HPSE2: variants seen among roughly 807,000 people sequenced by gnomAD.
HPSE2 encodes the protein heparanase 2 (inactive), also known as inactive heparanase-2.
Under a neutral mutation model 60.5 loss-of-function variants are expected in HPSE2, and 38 were observed. The observed-to-expected ratio is 0.63, with a 90% CI of 0.48 to 0.82. The LOEUF (loss-of-function observed/expected upper bound fraction) is 0.82, where lower values mean the gene tolerates loss of function less well. Among genes scored for constraint, HPSE2 ranks in the 40% least tolerant of loss-of-function variants. HPSE2 has a pLI of 0.00. For missense variants in HPSE2, 713 were observed against 740.4 expected (o/e 0.96, Z 0.43); for synonymous variants, 295 against 293.2 (o/e 1.01, Z -0.06).
At chr10:98,521,683 A>G (rs911513232) in intron 9 of HPSE2, among the ~76,000 whole-genome samples, 9 of 152,240 alleles carry the variant, frequency 5.9e-5, no homozygotes, top group Admixed American at 5.9e-4. Flanking sequence ...ACACATGCAC[A>G]CATACGATTA....
At chr10:99,268,299 A>G in the HPSE2 span, among the ~76,000 whole-genome samples, 1 of 152,306 alleles carries the variant, frequency 6.6e-6, no homozygotes, top group East Asian at 1.9e-4. Flanking sequence ...CAAAAGGAGC[A>G]CTAAATCTTG....
chr10:99,234,587 G>A (rs906472596), intron 1 of HPSE2, among the ~76,000 whole-genome samples: 4 of 152,200 alleles, frequency 2.6e-5, no homozygotes, highest in Admixed American at 2.6e-4. Flanking sequence ...CTGATGGGAA[G>A]GGATCGCAGT....
chr10:98,641,508 A>C (rs1287404870), intron 7 of HPSE2, among the ~76,000 whole-genome samples: 1 of 151,858 alleles, frequency 6.6e-6, no homozygotes, highest in Non-Finnish European at 1.5e-5. Flanking sequence ...AATCGCTTGA[A>C]CCCAGGAGGC....
intron 3 of HPSE2, chr10:99,047,536 C>G (rs1045350350): frequency 2.0e-6 from 1 of 492,576 alleles, no homozygotes; most frequent in Non-Finnish European, 3.6e-6. Flanking sequence ...AGACAACCTA[C>G]ACGATAGGAG....
At chr10:99,065,935 G>A (rs1842599936) in intron 3 of HPSE2, among the ~76,000 whole-genome samples, 1 of 151,382 alleles carries the variant, frequency 6.6e-6, no homozygotes, top group Non-Finnish European at 1.5e-5. Context: ...TCAGCTTTAA[G>A]GGATCATGGA....
At chr10:99,148,578 G>A (rs1439581537) in intron 2 of HPSE2, among the ~76,000 whole-genome samples, 2 of 152,060 alleles carry the variant, frequency 1.3e-5, no homozygotes, top group Non-Finnish European at 2.9e-5. Flanking sequence ...ATCACCTGAG[G>A]TCTGGAGTTT....
intron 3 of HPSE2, among the ~76,000 whole-genome samples, chr10:99,062,630 G>A (rs1158537644): frequency 1.3e-5 from 2 of 152,082 alleles, no homozygotes; most frequent in Non-Finnish European, 2.9e-5. Flanking sequence ...CTGGAATCAA[G>A]GGAACCACTG....
At chr10:99,308,379 C>CAAAAAAAAAAAAAAAAAAAAAAAAAAA in the HPSE2 span, among the ~76,000 whole-genome samples, 192 of 27,958 alleles carry the variant, frequency 6.9e-3, 25 homozygotes, top group East Asian at 8.6e-3. Flanking sequence ...GACTCTGTCT[C>CAAAAAAAAAAAAAAAAAAAAAAAAAAA]AAAAAAAAAA....
chr10:99,077,815 A>G (rs1408465152), intron 3 of HPSE2, among the ~76,000 whole-genome samples: 2 of 151,952 alleles, frequency 1.3e-5, no homozygotes, highest in African/African-American at 4.8e-5. Context: ...ATTGATCATG[A>G]TATGGTTTGG....
chr10:99,197,876 C>T, intron 2 of HPSE2, among the ~76,000 whole-genome samples: 1 of 152,148 alleles, frequency 6.6e-6, no homozygotes, highest in East Asian at 1.9e-4. Context: ...GCCTGGCCAA[C>T]CATGGCCAAC....
chr10:99,241,727 C>T, the HPSE2 span, among the ~76,000 whole-genome samples: 108 of 152,296 alleles, frequency 7.1e-4, no homozygotes, highest in African/African-American at 2.6e-3. Context: ...TGCCACTGCA[C>T]TCTAGCCTGG....
At chr10:99,000,547 C>T (rs540055697) in intron 3 of HPSE2, among the ~76,000 whole-genome samples, 1 of 152,066 alleles carries the variant, frequency 6.6e-6, no homozygotes, top group Admixed American at 6.6e-5. Flanking sequence ...AAAACAGTAT[C>T]GAATGTTGCA....
chr10:98,981,326 T>C (rs143239731), intron 3 of HPSE2, among the ~76,000 whole-genome samples: 2 of 152,288 alleles, frequency 1.3e-5, no homozygotes, highest in African/African-American at 4.8e-5. Context: ...AATTTTTCCC[T>C]GTCTAGGTGT....
intron 3 of HPSE2, among the ~76,000 whole-genome samples, chr10:98,915,314 A>C (rs1215174503): frequency 1.3e-5 from 2 of 151,768 alleles, no homozygotes; most frequent in East Asian, 3.9e-4. Context: ...TGCCCGGCTA[A>C]TTTTTTGTAT....
the HPSE2 span, among the ~76,000 whole-genome samples, chr10:99,260,811 C>T: frequency 6.6e-6 from 1 of 152,180 alleles, no homozygotes; most frequent in African/African-American, 2.4e-5. Flanking sequence ...CTGCCTTTCT[C>T]TTTAAACTTA....
chr10:99,135,062 C>T (rs546132903), intron 3 of HPSE2, among the ~76,000 whole-genome samples: 5 of 152,072 alleles, frequency 3.3e-5, no homozygotes, highest in African/African-American at 7.2e-5. Flanking sequence ...ACAGGAGTTG[C>T]GATCTTAATC....
chr10:99,105,502 G>GT (rs954710051), intron 3 of HPSE2, among the ~76,000 whole-genome samples: 52 of 144,414 alleles, frequency 3.6e-4, no homozygotes, highest in South Asian at 6.6e-4. Context: ...AGTTGTAAGA[G>GT]TTTTTTTTTT....
At chr10:99,138,834 A>G (rs1589718417) in intron 3 of HPSE2, among the ~76,000 whole-genome samples, 4 of 152,188 alleles carry the variant, frequency 2.6e-5, no homozygotes, top group African/African-American at 7.2e-5. Flanking sequence ...TGGCATGTGT[A>G]TATCTATGTA....
intron 3 of HPSE2, among the ~76,000 whole-genome samples, chr10:98,797,104 A>G (rs1373254591): frequency 6.6e-6 from 1 of 152,186 alleles, no homozygotes; most frequent in African/African-American, 2.4e-5. Flanking sequence ...ACGAGCATCA[A>G]CACCATCCAG....
Sources: allele counts gnomAD v4.1 joint callset (sites outside exome capture counted in the v4.1 genomes callset), GRCh38; gene constraint gnomAD v4.1.1; transcripts MANE v1.5; gene names NCBI Gene and HGNC (gene_info 2026-07-23, HGNC 2026-07-21).